Variants in F7 observed in about 807,000 individuals in gnomAD.
The protein encoded by F7 is FVII coagulation protein.
F7 carries 38 observed loss-of-function variants against 47.5 expected under a neutral mutation model. The ratio of observed to expected loss-of-function variants is 0.80; its 90% CI spans 0.62 to 1.05. The LOEUF (loss-of-function observed/expected upper bound fraction) is 1.05. F7 is among the 50% of genes least tolerant of loss of function. F7 has a pLI of 0.00. For missense variants in F7, 575 were observed against 605.4 expected, an observed-to-expected ratio of 0.95 and a Z score of 0.53; for synonymous variants, 244 against 258.5, an observed-to-expected ratio of 0.94 and a Z score of 0.54.
chr13:113,115,853 C>T (rs902797648), intron 5 of F7, 53 bp downstream of exon 5: 67 of 1,610,306 alleles, frequency 4.2e-5, no homozygotes, highest in South Asian at 1.3e-4. Flanking sequence ...TGTCCCACTA[C>T]GGATTATCTT....
chr13:113,111,668 C>G (rs1487178655), intron 2 of F7, among the ~76,000 whole-genome samples: 8 of 106,266 alleles, frequency 7.5e-5, no homozygotes, highest in East Asian at 3.2e-4. Flanking sequence ...ACACCTCACA[C>G]AAGACACCTC....
At position 113,113,871 on chromosome 13, in the gene F7, C is replaced by T; in HGVS notation, c.275C>T (p.Pro92Leu). The stretch of plus-strand genomic sequence containing the variant: ...GATGGGGACCAGTGTGCCTCAAGTC[C>T]ATGCCAGAATGGGGGCTCCTGCAAG... ...YSDGDQCASS[P>L]CQNGGSCKDQ... Residue 92 changes from proline (P) to leucine (L), a missense_variant, in exon 4 of 8, where the codon CCA becomes CTA. Physicochemically the swap from Pro to Leu is moderately conservative, Grantham distance 98. Transcript: ENST00000346342. This position sits in a 1 kb window ranked among gnomAD's most constrained non-coding sequence, Gnocchi z 4.1. 1 of 1,614,194 alleles carries T rather than the reference C, an allele frequency of 6.2e-7. No individual in the cohort carries two copies. Among genetic ancestry groups the T allele is most frequent in the Non-Finnish European group, 8.5e-7 (1 of 1,180,042 alleles).
Position 113,105,909 on chromosome 13 carries a change from CGTCCGG to C in F7, c.64+6_64+11del, listed in dbSNP as rs1566904039. Reference sequence around the variant, plus strand: ...CTTCAGGGCTGCCTGGCTGCAGGTGCGTCCGGGGAGGTTTTCTCCATAAACTTGGTG... The same window carrying C: ...CTTCAGGGCTGCCTGGCTGCAGGTGCGGAGGTTTTCTCCATAAACTTGGTG... On this transcript the variant is annotated splice_donor_5th_base_variant and intron_variant, in intron 1 of 7. Transcript: ENST00000346342. 6.3e-7 allele frequency: 1 copy of C among 1,583,100 alleles called. No homozygotes were observed. The highest frequency in any genetic ancestry group is 8.6e-7 in the Non-Finnish European group (1 of 1,164,764).
Position 113,113,698 on chromosome 13 carries a change from T to A in F7, c.226-54T>A, listed in dbSNP as rs371234514. On this transcript the variant is annotated intron_variant, in intron 2 of 7. Coordinates refer to ENST00000346342, the MANE Select transcript of F7 (RefSeq NM_019616.4). The surrounding 1 kb of genome is among the most constrained non-coding windows in gnomAD (Gnocchi z 4.1). ...TTCATGGTGTGTCCAGTGCTTACCG[T>A]TGGGTGCTCTGGTGAAGGTGCATCT... The A allele has an allele frequency of 7.7e-6, 12 of 1,558,656 alleles. No homozygotes were observed. The African/African-American group carries it at 1.4e-4, about 18-fold the overall frequency.
chr13:113,117,499 G>A lies in F7; in HGVS notation c.642G>A (p.Gln214=). ...WQVLLLVNGA[Q]LCGGTLINTI... The stretch of plus-strand genomic sequence containing the variant: ...TCCTGTTGTTGGTGAATGGAGCTCA[G>A]TTGTGTGGGGGGACCCTGATCAACA... Residue 214 remains glutamine (Q), a synonymous_variant, in exon 7 of 8, where the codon CAG becomes CAA. Coordinates refer to ENST00000346342, the MANE Select transcript of F7 (RefSeq NM_019616.4). 1 of 1,614,172 alleles carries A rather than the reference G, an allele frequency of 6.2e-7. No individual in the cohort carries two copies.
chr13:113,114,346 C>A (rs900566796), intron 4 of F7, among the ~76,000 whole-genome samples: 1 of 151,102 alleles, frequency 6.6e-6, no homozygotes, highest in Non-Finnish European at 1.5e-5. Flanking sequence ...TTTTTTTAAC[C>A]ATCTGAATAT....
chr13:113,114,581 C>T lies in F7; in HGVS notation c.364+621C>T, dbSNP rs557095726. 2.0e-4 allele frequency: 31 copies of T among 157,416 alleles called. 1 individual carries two copies. The highest frequency in any genetic ancestry group is 6.7e-3 in the Middle Eastern group (2 of 298). The allele number at this position is 157,416 out of a possible 1,614,324, so 9.8% of individuals were successfully genotyped here. On this transcript the variant is annotated intron_variant, in intron 4 of 7. Coordinates refer to ENST00000346342, the MANE Select transcript of F7 (RefSeq NM_019616.4). ...TCTCCCAGAATGACGTGTGACGAGA[C>T]GTGGGAAGTACTGCCAACTTGGGAA... is the stretch of plus-strand genomic sequence containing the variant.
At position 113,118,756 on chromosome 13, in the gene F7, C is replaced by T; in HGVS notation, c.1083C>T (p.Ile361=). Residue 361 remains isoleucine (I), a synonymous_variant, in exon 8 of 8, where the codon ATC becomes ATT. Transcript: ENST00000346342. ...GGAAGGTGGGAGACTCCCCAAATAT[C>T]ACGGAGTACATGTTCTGTGCCGGCT... ...QSRKVGDSPN[I]TEYMFCAGYS... is the part of the protein sequence containing the mutation. 6.2e-7 allele frequency: 1 copy of T among 1,613,194 alleles called. No individual in the cohort carries two copies. Among genetic ancestry groups the T allele is most frequent in the East Asian group, 2.2e-5 (1 of 44,862 alleles).
chr13:113,117,315 G>T (rs928213827), intron 6 of F7, among the ~76,000 whole-genome samples, 158 bp from the exon 7 acceptor site: 1 of 152,258 alleles, frequency 6.6e-6, no homozygotes, highest in Non-Finnish European at 1.5e-5. Context: ...CCCAGAGCCA[G>T]GTCTGAGCAG....
chr13:113,118,334 G>A, intron 7 of F7, 79 bp from the exon 8 acceptor site: 1 of 1,454,544 alleles, frequency 6.9e-7, no homozygotes, highest in African/African-American at 1.4e-5. Context: ...ACCTAGAAAT[G>A]GCCACAGCCC....
At position 113,113,452 on chromosome 13, in the gene F7, C is replaced by G. The variant is rs1410896786; in HGVS notation, c.226-300C>G. ...CCCTGTCAGAGGTGGAGCTGTGGCT[C>G]AGAGCCTGTGTACCTCGTCCCAGGT... On this transcript the variant is annotated intron_variant, in intron 2 of 7. Transcript: ENST00000346342. This position sits in a 1 kb window ranked among gnomAD's most constrained non-coding sequence, Gnocchi z 4.1. 6.6e-6 allele frequency among the ~76,000 whole-genome samples: 1 copy of G among 152,248 alleles called. No individual in the cohort carries two copies. The highest frequency in any genetic ancestry group is 1.5e-5 in the Non-Finnish European group (1 of 68,044).
chr13:113,109,590 C>T (rs1241287252), intron 1 of F7, among the ~76,000 whole-genome samples: 1 of 152,232 alleles, frequency 6.6e-6, no homozygotes, highest in Non-Finnish European at 1.5e-5. Context: ...CCCACCGGCC[C>T]ACAGCGTCCA....
intron 2 of F7, among the ~76,000 whole-genome samples, chr13:113,111,399 C>T (rs1342486687): frequency 9.7e-6 from 1 of 103,322 alleles, no homozygotes; most frequent in Non-Finnish European, 1.8e-5. Context: ...TCACAGGTCA[C>T]CTCACACTCA....
chr13:113,119,101 G>T lies in F7; in HGVS notation c.*93G>T. On this transcript the variant is annotated 3_prime_UTR_variant, in exon 8 of 8. Transcript: ENST00000346342. ...ATATTCTTCTGCAGTTAATGGGGTAGAGGAGGGCATGGGAGGGAGGGAGAG... is the reference window on the plus strand; with the variant it reads ...ATATTCTTCTGCAGTTAATGGGGTATAGGAGGGCATGGGAGGGAGGGAGAG... 9.4e-7 allele frequency: 1 copy of T among 1,060,600 alleles called. No homozygotes were observed. The highest frequency in any genetic ancestry group is 1.4e-6 in the Non-Finnish European group (1 of 720,990). The allele number at this position is 1,060,600 out of a possible 1,614,324, so 65.7% of individuals were successfully genotyped here.
intron 2 of F7, among the ~76,000 whole-genome samples, chr13:113,112,231 C>G (rs1324100104): frequency 6.8e-6 from 1 of 146,940 alleles, no homozygotes; most frequent in African/African-American, 2.5e-5. Context: ...GAGGTCACCT[C>G]ACACCCACAG....
chr13:113,107,684 C>A (rs1385242457), intron 1 of F7, among the ~76,000 whole-genome samples: 1 of 5,248 alleles, frequency 1.9e-4, no homozygotes, highest in Admixed American at 2.2e-3. Context: ...GTCCCGGGGG[C>A]GTGGGTGTCC....
In F7 at chr13:113,110,836, G is replaced by C. The variant is rs866112656; in HGVS notation, c.211G>C (p.Asp71His). 6.4e-7 allele frequency: 1 copy of C among 1,561,064 alleles called. No homozygotes were observed. Among genetic ancestry groups the C allele is most frequent in the Admixed American group, 1.9e-5 (1 of 52,778 alleles). The change falls in exon 2 of 8, where the codon GAC (aspartate) becomes CAC (histidine). Residue 71 changes from aspartate to histidine, a missense_variant. Transcript: ENST00000346342. ...CGAGGAGGCCCGGGAGATCTTCAAG[G>C]ACGCGGAGAGGACGGTGAGCCCAGC... ...SFEEAREIFKDAERTKLFWIS... is the reference protein window; with the variant it reads ...SFEEAREIFKHAERTKLFWIS...
At chr13:113,117,857 A>G (rs1296226820) in intron 7 of F7, among the ~76,000 whole-genome samples, 1 of 152,208 alleles carries the variant, frequency 6.6e-6, no homozygotes, top group Non-Finnish European at 1.5e-5. Context: ...TCGTGCTGTC[A>G]CTTCCACAGA....
intron 1 of F7, among the ~76,000 whole-genome samples, chr13:113,109,214 G>T (rs1261898529): frequency 4.1e-5 from 6 of 145,584 alleles, no homozygotes; most frequent in African/African-American, 1.5e-4. Context: ...GTGTCCGGGG[G>T]GCGTGGGTGT....
Sources: allele counts gnomAD v4.1 joint callset (sites outside exome capture counted in the v4.1 genomes callset), GRCh38; gene constraint gnomAD v4.1.1; non-coding constraint Gnocchi (gnomAD v3.1); transcripts MANE v1.5; gene names NCBI Gene and HGNC (gene_info 2026-07-23, HGNC 2026-07-21).